The following SV2C variants were observed in gnomAD, a reference collection of about 807,000 sequenced individuals.
SV2C encodes synaptic vesicle glycoprotein 2C, also known as solute carrier family 22 member B3.
Under a neutral mutation model 79.7 loss-of-function variants are expected in SV2C, and 49 were observed. The observed-to-expected ratio is 0.61, with a 90% CI of 0.49 to 0.78. The LOEUF is 0.78. SV2C is among the 30% of genes least tolerant of loss of function. The probability of loss-of-function intolerance (pLI) is 0.00; values close to 1 mark genes in which losing one functional copy is unlikely to be tolerated. For synonymous variants in SV2C, 334 were observed against 333.2 expected (o/e 1.00, Z -0.03); for missense variants, 833 against 912.9 (o/e 0.91, Z 1.13).
At chr5:76,165,332 A>T (rs756403789) in intron 2 of SV2C, among the ~76,000 whole-genome samples, 42 of 151,296 alleles carry the variant, frequency 2.8e-4, no homozygotes, top group Non-Finnish European at 5.3e-4. Flanking sequence ...GGATTTCACC[A>T]TTTTTTTTTA....
the SV2C span, among the ~76,000 whole-genome samples, chr5:75,851,962 C>A: frequency 6.6e-6 from 1 of 152,104 alleles, no homozygotes; most frequent in African/African-American, 2.4e-5. Context: ...CGCGCCTGGC[C>A]GAAACATTGG....
chr5:76,226,232 G>A (rs1003958428), intron 4 of SV2C, among the ~76,000 whole-genome samples: 4 of 151,912 alleles, frequency 2.6e-5, no homozygotes, highest in Non-Finnish European at 5.9e-5. Context: ...GAGTTGGGAA[G>A]AGTCCCAGGG....
At chr5:75,918,960 C>A in the SV2C span, among the ~76,000 whole-genome samples, 2 of 152,178 alleles carry the variant, frequency 1.3e-5, no homozygotes, top group South Asian at 2.1e-4. Context: ...GCATAATGAG[C>A]TTTTACTCCC....
chr5:75,853,596 AGACTCC>A, the SV2C span, among the ~76,000 whole-genome samples: 1 of 108,174 alleles, frequency 9.2e-6, no homozygotes, highest in Non-Finnish European at 1.8e-5. Context: ...CAGCAGAGCA[AGACTCC>A]GTCTCAAAAA....
chr5:76,122,802 C>T (rs551138158), intron 1 of SV2C, among the ~76,000 whole-genome samples: 3 of 151,836 alleles, frequency 2.0e-5, no homozygotes, highest in Non-Finnish European at 2.9e-5. Flanking sequence ...CCTAACATCA[C>T]GATTAAAAGA....
upstream of SV2C, chr5:76,082,524 C>T (rs530701504): frequency 6.6e-6 from 1 of 152,186 alleles, no homozygotes; most frequent in East Asian, 1.9e-4. Context: ...CCCTCTCTCT[C>T]TCTCTTCTCT....
At chr5:75,914,954 C>A in the SV2C span, among the ~76,000 whole-genome samples, 4 of 152,280 alleles carry the variant, frequency 2.6e-5, no homozygotes, top group South Asian at 8.3e-4. Context: ...AGGTGAAAGG[C>A]ACATCTCATG....
chr5:76,331,959 C>T lies in SV2C; in HGVS notation c.*6412C>T, dbSNP rs1749200415. ...GTATGGAATCAGAGCAGCCCATCTC[C>T]AGAGCAGAAGTCTGAGAGCTCAGCG... On this transcript the variant is annotated 3_prime_UTR_variant, in exon 13 of 13. Transcript: ENST00000502798. 6.6e-6 allele frequency: 1 copy of T among 152,196 alleles called. No homozygotes were observed. Among genetic ancestry groups the T allele is most frequent in the African/African-American group, 2.4e-5 (1 of 41,426 alleles). 9.4% of individuals were successfully genotyped at this position (152,196 alleles called of 1,614,324 possible). A position where few individuals can be genotyped will look rare whatever the true frequency, so the allele number is the denominator to read the frequency against.
At chr5:75,966,166 G>A in the SV2C span, among the ~76,000 whole-genome samples, 5 of 152,220 alleles carry the variant, frequency 3.3e-5, no homozygotes, top group Non-Finnish European at 5.9e-5. Context: ...ATAAGTAACT[G>A]AAGTAACTCC....
At chr5:75,975,669 G>A in the SV2C span, among the ~76,000 whole-genome samples, 15 of 152,280 alleles carry the variant, frequency 9.9e-5, no homozygotes, top group East Asian at 2.5e-3. Context: ...GTTTCTAGGC[G>A]TAAAAGCCTG....
At chr5:76,017,375 C>T in the SV2C span, among the ~76,000 whole-genome samples, 2 of 152,234 alleles carry the variant, frequency 1.3e-5, no homozygotes, top group East Asian at 3.9e-4. Flanking sequence ...CAACCTCCTC[C>T]TCCTGGGTTC....
intron 2 of SV2C, among the ~76,000 whole-genome samples, chr5:76,139,187 T>C (rs767534864): frequency 1.6e-4 from 25 of 151,850 alleles, no homozygotes; most frequent in Non-Finnish European, 8.8e-5. Flanking sequence ...GAGAAAGTCA[T>C]AGATGCAGAT....
the SV2C span, among the ~76,000 whole-genome samples, chr5:76,031,721 A>C: frequency 1.3e-5 from 2 of 152,240 alleles, no homozygotes; most frequent in Non-Finnish European, 2.9e-5. Context: ...CCATTTATTA[A>C]AGGACAGAGT....
At chr5:76,161,085 C>T (rs1157051363) in intron 2 of SV2C, among the ~76,000 whole-genome samples, 4 of 152,144 alleles carry the variant, frequency 2.6e-5, no homozygotes, top group Non-Finnish European at 4.4e-5. Flanking sequence ...TTTCTAATAA[C>T]ACTGTTCATA....
At chr5:76,257,123 T>C (rs1482407703) in intron 4 of SV2C, among the ~76,000 whole-genome samples, 6 of 129,218 alleles carry the variant, frequency 4.6e-5, no homozygotes, top group Non-Finnish European at 9.1e-5. Context: ...CCAGAGCCAC[T>C]GAATTCAGCA....
the SV2C span, among the ~76,000 whole-genome samples, chr5:76,033,910 C>T: frequency 1.4e-4 from 21 of 151,824 alleles, no homozygotes; most frequent in African/African-American, 4.8e-4. Context: ...TGTTTGTATC[C>T]TCTTTTATTT....
chr5:76,228,139 G>T (rs1371412076), intron 4 of SV2C, among the ~76,000 whole-genome samples: 2 of 151,732 alleles, frequency 1.3e-5, no homozygotes, highest in Non-Finnish European at 2.9e-5. Context: ...GCCTTTGCAG[G>T]CTGCTCAAGG....
the SV2C span, among the ~76,000 whole-genome samples, chr5:75,877,549 T>C: frequency 1.2e-4 from 17 of 146,416 alleles, no homozygotes; most frequent in South Asian, 3.6e-3. Context: ...AAAGAAACAA[T>C]ACAAAGTATA....
At chr5:75,903,522 TC>T in the SV2C span, among the ~76,000 whole-genome samples, 1 of 152,202 alleles carries the variant, frequency 6.6e-6, no homozygotes, top group Non-Finnish European at 1.5e-5. Context: ...CCCGAACTTT[TC>T]TTTCATTCCA....
Sources: gnomAD v4.1 joint callset for allele counts (sites outside exome capture counted in the v4.1 genomes callset) on GRCh38, gnomAD v4.1.1 for gene constraint, MANE v1.5 for transcripts, NCBI Gene and HGNC (gene_info 2026-07-23, HGNC 2026-07-21) for gene names.